CDH26: variants seen among roughly 807,000 people sequenced by gnomAD.
CDH26 encodes cadherin 26.
In CDH26, 83 loss-of-function variants were observed where a neutral mutation model predicts 90.3. That is an observed-to-expected ratio of 0.92 (90% CI 0.77 to 1.10). The LOEUF is 1.10. Among genes scored for constraint, CDH26 ranks in the 50% least tolerant of loss-of-function variants. The probability of loss-of-function intolerance (pLI) is 0.00; values close to 1 mark genes in which losing one functional copy is unlikely to be tolerated. For missense variants in CDH26, 1,013 were observed against 1,037.6 expected (o/e 0.98, Z 0.33); for synonymous variants, 397 against 396.3 (o/e 1.00, Z -0.02).
Position 59,991,248 on chromosome 20 carries a change from G to T in CDH26, c.1284-1130G>T, listed in dbSNP as rs191278184. The stretch of plus-strand genomic sequence containing the variant: ...TCATTGCTGTCTTCCTGTCTCTTGA[G>T]GATGGTTGGCTCATACTTAGGTCTC... On this transcript the variant is annotated intron_variant, in intron 9 of 17. Transcript: ENST00000348616. Among the ~76,000 whole-genome samples, 16 of 152,284 alleles carry T rather than the reference G, an allele frequency of 1.1e-4. No individual in the cohort carries two copies. The East Asian group carries it at 3.1e-3, about 29-fold the overall frequency.
chr20:59,994,247 A>T lies in CDH26; in HGVS notation c.1427-3A>T, dbSNP rs766376388. 5.0e-6 allele frequency: 8 copies of T among 1,613,246 alleles called. No homozygotes were observed. The East Asian group carries it at 1.8e-4, about 36-fold the overall frequency. On this transcript the variant is annotated splice_region_variant and splice_polypyrimidine_tract_variant and intron_variant, in intron 10 of 17. Coordinates refer to ENST00000348616, the MANE Select transcript of CDH26 (RefSeq NM_177980.4). ...AACTCCTGAAACTTCCTCCCCATACAAGGCTTCCCACCGCAGACTGCTACA... is the reference window on the plus strand; with the variant it reads ...AACTCCTGAAACTTCCTCCCCATACTAGGCTTCCCACCGCAGACTGCTACA...
chr20:60,009,025 C>T (rs1056233895), intron 17 of CDH26, among the ~76,000 whole-genome samples: 3 of 152,198 alleles, frequency 2.0e-5, no homozygotes, highest in Non-Finnish European at 4.4e-5. Flanking sequence ...CCATGTGTCT[C>T]TCCCGAGCCG....
chr20:59,970,600 G>A (rs1476816498), intron 3 of CDH26, among the ~76,000 whole-genome samples: 1 of 151,640 alleles, frequency 6.6e-6, no homozygotes, highest in East Asian at 1.9e-4. Flanking sequence ...CAGGAGATCA[G>A]GAGATCGAGC....
chr20:59,974,894 T>C (rs1388117605), intron 4 of CDH26, among the ~76,000 whole-genome samples: 4 of 152,092 alleles, frequency 2.6e-5, no homozygotes, highest in Admixed American at 2.0e-4. Flanking sequence ...GTTGATCTCC[T>C]CCATTAGAAT....
chr20:59,972,794 T>A (rs988852701), intron 4 of CDH26, among the ~76,000 whole-genome samples: 2 of 152,232 alleles, frequency 1.3e-5, no homozygotes, highest in Non-Finnish European at 2.9e-5. Context: ...TGTACATTTG[T>A]TCATTAACTC....
At chr20:59,994,163 T>C in intron 10 of CDH26, 87 bp from the exon 11 acceptor site, 1 of 1,532,962 alleles carries the variant, frequency 6.5e-7, no homozygotes, top group South Asian at 1.2e-5. Flanking sequence ...TCAGGAATAT[T>C]TTTTTTCTGA....
At chr20:59,980,355 C>A (rs990276103) in intron 4 of CDH26, among the ~76,000 whole-genome samples, 5 of 151,160 alleles carry the variant, frequency 3.3e-5, no homozygotes, top group Non-Finnish European at 1.5e-5. Flanking sequence ...AGTGCAATGG[C>A]GCAATCTCAG....
intron 7 of CDH26, among the ~76,000 whole-genome samples, chr20:59,987,031 T>A (rs1229113592): frequency 6.6e-6 from 1 of 152,208 alleles, no homozygotes; most frequent in Non-Finnish European, 1.5e-5. Context: ...ATTTTGAAGA[T>A]CTACATGTGT....
At chr20:59,967,813 A>ATTTCTTTCTTTC (rs1204879152) in intron 1 of CDH26, among the ~76,000 whole-genome samples, 81 of 44,038 alleles carry the variant, frequency 1.8e-3, no homozygotes, top group Admixed American at 2.4e-3. Context: ...TCCCTCCCTC[A>ATTTCTTTCTTTC]TTTCTTTCTT....
In CDH26 at chr20:60,012,670, T is replaced by C; in HGVS notation, c.2439T>C (p.Ser813=). Residue 813 remains serine (S), a synonymous_variant, in exon 18 of 18, where the codon TCT becomes TCC. Transcript: ENST00000348616. ...EQELQPDLLD[S]LGSKATPFEE... ...AGTTGCAACCTGATTTGCTGGACTC[T>C]TTGGGTTCAAAAGCGACTCCGTTTG... The C allele has an allele frequency of 6.2e-7, 1 of 1,614,084 alleles. No homozygotes were observed. The highest frequency in any genetic ancestry group is 8.5e-7 in the Non-Finnish European group (1 of 1,179,998).
chr20:59,985,604 C>G (rs1601137880), intron 7 of CDH26, among the ~76,000 whole-genome samples: 1 of 152,262 alleles, frequency 6.6e-6, no homozygotes, highest in South Asian at 2.1e-4. Flanking sequence ...GGCCCCACCT[C>G]CAACACTGGG....
chr20:59,967,993 T>G (rs868836254), intron 1 of CDH26, among the ~76,000 whole-genome samples: 1 of 132,602 alleles, frequency 7.5e-6, no homozygotes, highest in African/African-American at 3.1e-5. Flanking sequence ...CTTTCTTTCT[T>G]TCTTTCTTTC....
intron 17 of CDH26, among the ~76,000 whole-genome samples, chr20:60,009,555 C>T (rs2061802192): frequency 6.6e-6 from 1 of 152,216 alleles, no homozygotes; most frequent in Non-Finnish European, 1.5e-5. Flanking sequence ...GGCCCCCCTC[C>T]TCCCTCTGCG....
intron 13 of CDH26, among the ~76,000 whole-genome samples, chr20:59,997,338 A>G (rs187635115): frequency 1.0e-3 from 156 of 152,382 alleles, no homozygotes; most frequent in African/African-American, 3.4e-3. Context: ...TTGGAGGTAC[A>G]AGGCCTAGGC....
rs569698623 is a variant in CDH26, at chr20:59,967,932, TCC to T, written c.70-1033_70-1032del. On this transcript the variant is annotated intron_variant, in intron 1 of 17. Transcript: ENST00000348616. ...TCCTTTCCTTTCCTTTCCTTTCCTT[TCC>T]CTTTCTTTCTTTCTTTCTTTCTATC... is the stretch of plus-strand genomic sequence containing the variant. Among the ~76,000 whole-genome samples the T allele has an allele frequency of 1.1e-3, 138 of 126,238 alleles. 1 individual carries two copies. Among genetic ancestry groups the T allele is most frequent in the Middle Eastern group, 3.7e-3 (1 of 268 alleles). The allele number at this position is 126,238 out of a possible 152,430, so 82.8% of individuals were successfully genotyped here. A position where few individuals can be genotyped will look rare whatever the true frequency, so the allele number is the denominator to read the frequency against.
At chr20:60,000,680 G>T (rs962123733) in intron 14 of CDH26, among the ~76,000 whole-genome samples, 2 of 152,206 alleles carry the variant, frequency 1.3e-5, no homozygotes, top group African/African-American at 4.8e-5. Context: ...TTTTACAGGG[G>T]AGGGAACCAA....
intron 14 of CDH26, 49 bp from the exon 15 acceptor site, chr20:60,001,294 C>G: frequency 6.2e-7 from 1 of 1,611,394 alleles, no homozygotes; most frequent in Non-Finnish European, 8.5e-7. Context: ...TTGTTTCCAG[C>G]TGGAGAGAAA....
intron 8 of CDH26, among the ~76,000 whole-genome samples, chr20:60,033,267 C>T (rs1039223512): frequency 6.6e-6 from 1 of 152,184 alleles, no homozygotes; most frequent in African/African-American, 2.4e-5. Flanking sequence ...TTACTCTTAC[C>T]ACCATCACTG....
At chr20:59,967,077 A>G (rs1431398166) in intron 1 of CDH26, among the ~76,000 whole-genome samples, 1 of 152,244 alleles carries the variant, frequency 6.6e-6, no homozygotes, top group Non-Finnish European at 1.5e-5. Flanking sequence ...ACACATTGTT[A>G]TGAATATATA....
Sources: gnomAD v4.1 joint callset for allele counts (sites outside exome capture counted in the v4.1 genomes callset) on GRCh38, gnomAD v4.1.1 for gene constraint, MANE v1.5 for transcripts, NCBI Gene and HGNC (gene_info 2026-07-23, HGNC 2026-07-21) for gene names.